Variants in TENM3 observed in about 807,000 individuals in gnomAD.
The protein encoded by TENM3 is teneurin-3.
TENM3 carries 63 observed loss-of-function variants against 255.1 expected under a neutral mutation model. The ratio of observed to expected loss-of-function variants is 0.25; its 90% CI spans 0.20 to 0.30. TENM3 has a LOEUF of 0.30. Among genes scored for constraint, TENM3 ranks in the 10% least tolerant of loss-of-function variants. TENM3 has a pLI of 1.00. For missense variants in TENM3, 2,929 were observed against 3,461.1 expected (o/e 0.85, Z 3.86); for synonymous variants, 1,306 against 1,322.3 (o/e 0.99, Z 0.27).
chr4:182,050,697 A>G, the TENM3 span, among the ~76,000 whole-genome samples: 1 of 152,120 alleles, frequency 6.6e-6, no homozygotes, highest in Non-Finnish European at 1.5e-5. Flanking sequence ...CCAACTACTC[A>G]GGAGGCTGAG....
the TENM3 span, among the ~76,000 whole-genome samples, chr4:181,593,461 G>A: frequency 6.6e-6 from 1 of 152,282 alleles, no homozygotes; most frequent in East Asian, 1.9e-4. Flanking sequence ...AGAGCTGCCG[G>A]TCTAAGGCAA....
intron 12 of TENM3, among the ~76,000 whole-genome samples, chr4:182,701,463 G>T (rs1183477456): frequency 6.6e-6 from 1 of 151,602 alleles, no homozygotes; most frequent in East Asian, 1.9e-4. Context: ...CTCGTGATCC[G>T]CCCACCTCGG....
intron 1 of TENM3, among the ~76,000 whole-genome samples, chr4:182,286,160 G>A (rs1416417806): frequency 6.6e-6 from 1 of 152,162 alleles, no homozygotes; most frequent in Non-Finnish European, 1.5e-5. Flanking sequence ...TATTGCCAAG[G>A]GTATGGGCAA....
chr4:181,763,687 T>C, the TENM3 span, among the ~76,000 whole-genome samples: 11 of 152,204 alleles, frequency 7.2e-5, no homozygotes, highest in African/African-American at 2.7e-4. Flanking sequence ...AAGCCTAAAA[T>C]ATCTACAGTC....
At chr4:182,039,460 C>A in the TENM3 span, among the ~76,000 whole-genome samples, 3 of 152,098 alleles carry the variant, frequency 2.0e-5, no homozygotes, top group East Asian at 5.8e-4. Flanking sequence ...TGCTTAGGTA[C>A]ACAGCAGCCA....
intron 3 of TENM3, among the ~76,000 whole-genome samples, chr4:182,498,351 A>C (rs779196389): frequency 6.6e-6 from 1 of 152,170 alleles, no homozygotes; most frequent in Non-Finnish European, 1.5e-5. Context: ...ACTGCACTTC[A>C]TCATTCGTCT....
rs564939220 is a variant in TENM3, at chr4:182,702,181, G to A, written c.2222-11906G>A. On this transcript the variant is annotated intron_variant, in intron 12 of 27. Transcript: ENST00000511685. ...TTTATTCCAAAAAGCTGAACCCCAT[G>A]TTGACCAGGAATTGTGCATCTAACC... Among the ~76,000 whole-genome samples, 97 of 152,280 alleles carry A rather than the reference G, an allele frequency of 6.4e-4. 1 individual carries two copies. In the South Asian group the frequency reaches 0.02, roughly 31 times the overall value.
Position 182,601,130 on chromosome 4 carries a change from G to A in TENM3, c.718G>A (p.Val240Ile). ...PESVQLQDSW[V>I]LGSNVPLESR... Reference sequence around the variant, plus strand: ...GTCCGTCCAGCTGCAGGACAGCTGGGTCCTTGGCAGTAATGTACCACTGGA... The same window carrying A: ...GTCCGTCCAGCTGCAGGACAGCTGGATCCTTGGCAGTAATGTACCACTGGA... The change falls in exon 4 of 28, where the codon GTC becomes ATC. Residue 240 changes from valine (V) to isoleucine (I), a missense_variant. This residue lies in a region of TENM3 where 1,608 missense variants were observed against 1,884.4 expected (regional missense o/e 0.85). Transcript: ENST00000511685. The A allele has an allele frequency of 1.2e-6, 2 of 1,613,766 alleles. 1 individual carries two copies. Among genetic ancestry groups the A allele is most frequent in the South Asian group, 2.2e-5 (2 of 91,074 alleles).
At chr4:182,679,959 T>G (rs908100180) in intron 8 of TENM3, 83 bp downstream of exon 8, 5 of 1,239,860 alleles carry the variant, frequency 4.0e-6, no homozygotes, top group Non-Finnish European at 5.7e-6. Flanking sequence ...CTGTACCAAT[T>G]TGGGGTAATT....
chr4:181,652,143 A>T, the TENM3 span, among the ~76,000 whole-genome samples: 1 of 38,404 alleles, frequency 2.6e-5, no homozygotes, highest in African/African-American at 8.7e-5. Flanking sequence ...ACTTTGGGGT[A>T]AAAAAAAAAA....
intron 7 of TENM3, among the ~76,000 whole-genome samples, chr4:182,673,734 C>T (rs1377796883): frequency 2.6e-5 from 4 of 152,128 alleles, no homozygotes; most frequent in Non-Finnish European, 4.4e-5. Flanking sequence ...AAATGATCAA[C>T]GCTGAGATGA....
Position 182,789,469 on chromosome 4 carries a change from A to G in TENM3, c.5601+80A>G. The G allele has an allele frequency of 3.0e-6, 4 of 1,324,498 alleles. No individual in the cohort carries two copies. Among genetic ancestry groups the G allele is most frequent in the Non-Finnish European group, 3.1e-6 (3 of 967,008 alleles). The allele number at this position is 1,324,498 out of a possible 1,614,324, so 82.0% of individuals were successfully genotyped here. ...CAATCATCCAGAGCACTAAGGGGAA[A>G]AAAAACAGTGGCACATGACTGAGTT... On this transcript the variant is annotated intron_variant, in intron 25 of 27. Transcript: ENST00000511685. The surrounding 1 kb of genome is among the most constrained non-coding windows in gnomAD (Gnocchi z 4.4).
chr4:181,452,694 A>G, the TENM3 span, among the ~76,000 whole-genome samples: 6 of 152,182 alleles, frequency 3.9e-5, no homozygotes, highest in Non-Finnish European at 7.3e-5. Context: ...GACTAATACA[A>G]AATGATAGTT....
At chr4:181,682,520 T>C in the TENM3 span, among the ~76,000 whole-genome samples, 178 of 152,304 alleles carry the variant, frequency 1.2e-3, no homozygotes, top group African/African-American at 4.0e-3. Flanking sequence ...TGGCCTCTTT[T>C]ATTTAAAATA....
intron 3 of TENM3, among the ~76,000 whole-genome samples, chr4:182,399,074 A>T (rs1769051732): frequency 6.6e-6 from 1 of 152,208 alleles, no homozygotes; most frequent in South Asian, 2.1e-4. Flanking sequence ...TGTACACTTC[A>T]GGAGGAACGT....
the TENM3 span, among the ~76,000 whole-genome samples, chr4:181,710,518 C>T: frequency 1.3e-5 from 2 of 151,980 alleles, no homozygotes; most frequent in African/African-American, 2.4e-5. Context: ...GAGATCAAGA[C>T]CATCCTGGAC....
intron 1 of TENM3, among the ~76,000 whole-genome samples, chr4:182,292,764 A>G (rs1224620177): frequency 6.6e-6 from 1 of 152,182 alleles, no homozygotes; most frequent in Non-Finnish European, 1.5e-5. Context: ...GAGGATACAG[A>G]TGAATAAACA....
At chr4:181,979,095 GACATATAT>G in the TENM3 span, among the ~76,000 whole-genome samples, 9 of 72,164 alleles carry the variant, frequency 1.2e-4, no homozygotes, top group African/African-American at 5.0e-4. Flanking sequence ...CATTAAGCCT[GACATATAT>G]ATATATATAT....
the TENM3 span, among the ~76,000 whole-genome samples, chr4:181,639,307 T>A: frequency 9.8e-5 from 15 of 152,336 alleles, no homozygotes; most frequent in Admixed American, 2.6e-4. Flanking sequence ...TTATTTCTTT[T>A]GTATGAATGC....
Sources: gnomAD v4.1 joint callset for allele counts (sites outside exome capture counted in the v4.1 genomes callset) on GRCh38, gnomAD v4.1.1 for gene constraint, gnomAD v4.1.1 regional missense constraint, Gnocchi (gnomAD v3.1) non-coding constraint, MANE v1.5 for transcripts, NCBI Gene and HGNC (gene_info 2026-07-23, HGNC 2026-07-21) for gene names.